Variants in PLCG2 observed in about 807,000 individuals in gnomAD.
The protein encoded by PLCG2 is phospholipase C gamma 2, also known as 1-phosphatidylinositol 4,5-bisphosphate phosphodiesterase gamma-2.
In PLCG2, 69 loss-of-function variants were observed where a neutral mutation model predicts 175.6. The ratio of observed to expected loss-of-function variants is 0.39; its 90% CI spans 0.32 to 0.48. The LOEUF is 0.48. PLCG2 is among the 20% of genes least tolerant of loss of function. PLCG2 has a pLI of 0.91. For missense variants in PLCG2, 1,798 were observed against 1,650.9 expected, an observed-to-expected ratio of 1.09 and a Z score of -1.54; for synonymous variants, 827 against 624.0, an observed-to-expected ratio of 1.33 and a Z score of -4.85.
At chr16:81,851,470 A>G (rs1455671461) in intron 2 of PLCG2, among the ~76,000 whole-genome samples, 1 of 152,170 alleles carries the variant, frequency 6.6e-6, no homozygotes, top group Non-Finnish European at 1.5e-5. Context: ...CAGGATGTAG[A>G]TGACGTGCTG....
At chr16:81,884,976 C>T (rs1340761423) in intron 9 of PLCG2, among the ~76,000 whole-genome samples, 1 of 152,126 alleles carries the variant, frequency 6.6e-6, no homozygotes, top group Non-Finnish European at 1.5e-5. Flanking sequence ...CAGCCTCGAC[C>T]TCCTGGGCTC....
intron 2 of PLCG2, among the ~76,000 whole-genome samples, chr16:81,845,670 G>C (rs911907160): frequency 3.3e-5 from 5 of 152,220 alleles, no homozygotes; most frequent in African/African-American, 1.2e-4. Context: ...ACTGCGTTGA[G>C]CGCAGTGGGC....
chr16:81,849,786 A>C (rs972548988), intron 2 of PLCG2, among the ~76,000 whole-genome samples: 2 of 134,446 alleles, frequency 1.5e-5, no homozygotes, highest in Admixed American at 7.6e-5. Flanking sequence ...AAAAAAAAAA[A>C]AAAAAAAAAA....
chr16:81,925,730 A>G (rs1180999518), intron 22 of PLCG2, among the ~76,000 whole-genome samples: 2 of 152,148 alleles, frequency 1.3e-5, no homozygotes, highest in Admixed American at 6.5e-5. Context: ...TCTACTAAAA[A>G]TACAAAAATT....
intron 19 of PLCG2, 139 bp from the exon 20 acceptor site, chr16:81,919,345 A>G (rs1909967879): frequency 3.2e-6 from 2 of 626,442 alleles, no homozygotes; most frequent in Non-Finnish European, 5.8e-6. Context: ...CTTGTATTCC[A>G]TAGGAGGACT....
chr16:81,843,262 A>C (rs184293288), intron 2 of PLCG2, among the ~76,000 whole-genome samples: 1 of 152,224 alleles, frequency 6.6e-6, no homozygotes, highest in Admixed American at 6.5e-5. Flanking sequence ...TCATTTGCCC[A>C]TCTCCTTCTC....
intron 1 of PLCG2, among the ~76,000 whole-genome samples, chr16:81,782,885 C>T (rs1044345556): frequency 2.6e-5 from 4 of 152,216 alleles, no homozygotes; most frequent in East Asian, 1.9e-4. Flanking sequence ...TTCAAAGGAA[C>T]GGTGTCAGCC....
intron 3 of PLCG2, 66 bp from the exon 4 acceptor site, chr16:81,858,197 G>T: frequency 8.9e-7 from 1 of 1,128,798 alleles, no homozygotes; most frequent in Non-Finnish European, 1.4e-6. Flanking sequence ...GTATGGGGCA[G>T]GGCTTTGTAA....
chr16:81,905,043 A>G (rs1835305157), intron 14 of PLCG2, among the ~76,000 whole-genome samples: 1 of 152,216 alleles, frequency 6.6e-6, no homozygotes, highest in Non-Finnish European at 1.5e-5. Flanking sequence ...GCGTGCCACC[A>G]TGCCCGGCTA....
In PLCG2 at chr16:81,883,278, C is replaced by A. The variant is rs1238767632; in HGVS notation, c.702C>A (p.Asp234Glu). Reference sequence around the variant, plus strand: ...CTTTCCCCGAGGATAGGAACACTGACAGGCCGGATGCCTCTGCTGTTTACC... The same window carrying A: ...CTTTCCCCGAGGATAGGAACACTGAAAGGCCGGATGCCTCTGCTGTTTACC... ...DSSVFILGNT[D>E]RPDASAVYLH... is the part of the protein sequence containing the mutation. Residue 234 changes from aspartate (D) to glutamate (E), a missense_variant, in exon 9 of 33, where the codon GAC (aspartate) becomes GAA (glutamate). Physicochemically the swap from Asp to Glu is conservative, Grantham distance 45 (BLOSUM62 2). Transcript: ENST00000564138. 1.2e-6 allele frequency: 2 copies of A among 1,614,142 alleles called. No homozygotes were observed. Among genetic ancestry groups the A allele is most frequent in the East Asian group, 4.5e-5 (2 of 44,888 alleles).
intron 2 of PLCG2, among the ~76,000 whole-genome samples, chr16:81,770,618 G>A (rs972044200): frequency 1.4e-4 from 21 of 152,188 alleles, no homozygotes; most frequent in Non-Finnish European, 1.8e-4. Flanking sequence ...GGGAGGCTGA[G>A]GTGGGAGGAT....
At chr16:81,938,730 A>G in intron 28 of PLCG2, 71 bp from the exon 29 acceptor site, 1 of 860,114 alleles carries the variant, frequency 1.2e-6, no homozygotes, top group Non-Finnish European at 1.9e-6. Flanking sequence ...TCTAGAACCC[A>G]GCTGCAATCC....
intron 32 of PLCG2, 62 bp downstream of exon 32, chr16:81,956,941 C>T (rs1911595586): frequency 2.9e-6 from 4 of 1,387,376 alleles, no homozygotes; most frequent in Non-Finnish European, 3.0e-6. Flanking sequence ...TGATGATGGG[C>T]ACCACGGGCC....
chr16:81,919,381 C>G, intron 19 of PLCG2, 103 bp from the exon 20 acceptor site: 2 of 854,250 alleles, frequency 2.3e-6, no homozygotes, highest in Non-Finnish European at 3.9e-6. Context: ...ACCCACTTCT[C>G]TAAGGCTGGA....
At chr16:81,781,233 TATACTC>T (rs1910716964) in intron 1 of PLCG2, among the ~76,000 whole-genome samples, 1 of 152,202 alleles carries the variant, frequency 6.6e-6, no homozygotes, top group African/African-American at 2.4e-5. Context: ...GGAATTGTAT[TATACTC>T]ATACAGTTGC....
intron 13 of PLCG2, chr16:81,898,634 C>T (rs1193730144): frequency 1.3e-5 from 2 of 151,964 alleles, no homozygotes; most frequent in Non-Finnish European, 2.9e-5. Context: ...AATTTTGTTT[C>T]ATAGTAAATG....
chr16:81,821,548 G>C (rs1904800024), intron 2 of PLCG2, among the ~76,000 whole-genome samples: 1 of 152,128 alleles, frequency 6.6e-6, no homozygotes. Context: ...TTTTGAGGTG[G>C]GTCCTGGGGG....
At chr16:81,782,765 A>T (rs1004929981) in intron 1 of PLCG2, among the ~76,000 whole-genome samples, 2 of 152,242 alleles carry the variant, frequency 1.3e-5, no homozygotes, top group Non-Finnish European at 2.9e-5. Context: ...CGATTCTGTT[A>T]AAATGGGGCA....
chr16:81,866,860 C>G (rs1907265690), intron 5 of PLCG2, among the ~76,000 whole-genome samples: 1 of 152,260 alleles, frequency 6.6e-6, no homozygotes, highest in Admixed American at 6.5e-5. Flanking sequence ...CCACCTTCAT[C>G]CTGCCCTGGC....
Sources: allele counts gnomAD v4.1 joint callset (sites outside exome capture counted in the v4.1 genomes callset), GRCh38; gene constraint gnomAD v4.1.1; transcripts MANE v1.5; gene names NCBI Gene and HGNC (gene_info 2026-07-23, HGNC 2026-07-21).